The following HUWE1 variants were observed in gnomAD, a reference collection of about 807,000 sequenced individuals.
HUWE1 encodes the protein E3 ubiquitin-protein ligase HUWE1.
Under a neutral mutation model 299.4 loss-of-function variants are expected in HUWE1, and 18 were observed. The observed-to-expected ratio is 0.06, with a 90% CI of 0.04 to 0.09. HUWE1 has a LOEUF of 0.09. HUWE1 is among the 10% of genes least tolerant of loss of function. The pLI is 1.00. For missense variants in HUWE1, 1,832 were observed against 3,462.3 expected, an observed-to-expected ratio of 0.53 and a Z score of 11.82; for synonymous variants, 1,317 against 1,286.1, an observed-to-expected ratio of 1.02 and a Z score of -0.51.
intron 74 of HUWE1, 66 bp from the exon 75 acceptor site, chrX:53,539,878 A>G: frequency 9.8e-7 from 1 of 1,021,334 alleles, no homozygotes; most frequent in East Asian, 3.3e-5. Context: ...ATCTTTCTAG[A>G]CCACACGCAC....
chrX:53,584,407 G>A (rs1371620360), intron 40 of HUWE1, 62 bp from the exon 41 acceptor site: 1 of 943,264 alleles, frequency 1.1e-6, no homozygotes. Flanking sequence ...AGGTGGGGGA[G>A]GGGAGGGACA....
At chrX:53,603,216 A>T (rs2064973216) in intron 27 of HUWE1, 152 bp downstream of exon 27, 1 of 529,427 alleles carries the variant, frequency 1.9e-6, no homozygotes, top group African/African-American at 2.4e-5. Context: ...ATGACGACAA[A>T]GCATTTGTCA....
chrX:53,685,692 A>C (rs2070406028), intron 2 of HUWE1, among the ~76,000 whole-genome samples: 1 of 112,132 alleles, frequency 8.9e-6, no homozygotes, highest in Non-Finnish European at 1.9e-5. Flanking sequence ...CTGTGGAAAA[A>C]TAGGCACTCT....
intron 11 of HUWE1, 124 bp downstream of exon 11, chrX:53,631,290 T>G: frequency 1.8e-6 from 1 of 562,501 alleles, no homozygotes; most frequent in African/African-American, 2.3e-5. Context: ...AAGCTAACAA[T>G]TTGCCCATGG....
chrX:53,590,753 T>G (rs2064114359), intron 34 of HUWE1, among the ~76,000 whole-genome samples: 1 of 112,426 alleles, frequency 8.9e-6, no homozygotes, highest in Admixed American at 9.4e-5. Context: ...CTATTCTACA[T>G]CTTAGAAAAG....
At chrX:53,661,565 T>A (rs1390251806) in intron 3 of HUWE1, among the ~76,000 whole-genome samples, 1 of 111,377 alleles carries the variant, frequency 9.0e-6, no homozygotes, top group East Asian at 2.8e-4. Flanking sequence ...AAAACCCTAT[T>A]ACATTTAAAA....
chrX:53,606,763 T>A (rs994135368), intron 25 of HUWE1, among the ~76,000 whole-genome samples: 2 of 111,678 alleles, frequency 1.8e-5, no homozygotes, highest in Non-Finnish European at 3.8e-5. Context: ...TTATATAAGG[T>A]ACCTAGAGTA....
chrX:53,538,206 CCCT>C (rs782739087), intron 77 of HUWE1, 128 bp downstream of exon 77: 12 of 525,223 alleles, frequency 2.3e-5, no homozygotes, highest in Admixed American at 1.0e-4. Context: ...GCTGTCTCTT[CCCT>C]CCTCACCACC....
intron 3 of HUWE1, among the ~76,000 whole-genome samples, chrX:53,666,105 A>C (rs1200642219): frequency 1.8e-5 from 2 of 112,885 alleles, no homozygotes; most frequent in Non-Finnish European, 3.7e-5. Flanking sequence ...TTCATTTGTC[A>C]GAAGTTATTT....
intron 2 of HUWE1, among the ~76,000 whole-genome samples, chrX:53,683,661 G>A (rs187233240): frequency 1.8e-5 from 2 of 112,139 alleles, no homozygotes; most frequent in African/African-American, 3.2e-5. Flanking sequence ...CAAGAAACGA[G>A]GTGGTCTTCG....
chrX:53,646,749 C>T lies in HUWE1; in HGVS notation c.351+619G>A, dbSNP rs189698552. Among the ~76,000 whole-genome samples the T allele has an allele frequency of 3.1e-3, 345 of 111,778 alleles. 1 individual carries two copies. Among genetic ancestry groups the T allele is most frequent in the Admixed American group, 6.5e-3 (69 of 10,537 alleles). On this transcript the variant is annotated intron_variant, in intron 6 of 83. Coordinates refer to ENST00000262854, the MANE Select transcript of HUWE1 (RefSeq NM_031407.7). Reference sequence around the variant, plus strand: ...TCTGATTCTGTTTCTCTACTGAAGACGTAGGAAAACACACCTAAAATTAAC... The same window carrying T: ...TCTGATTCTGTTTCTCTACTGAAGATGTAGGAAAACACACCTAAAATTAAC...
chrX:53,554,875 G>A lies in HUWE1; in HGVS notation c.8252C>T (p.Thr2751Ile), dbSNP rs1556932892. Residue 2751 changes from threonine to isoleucine, a missense_variant, in exon 61 of 84, where the codon ACT becomes ATT. This residue lies in a region of HUWE1 where 143 missense variants were observed against 148.1 expected (regional missense o/e 0.97). Transcript: ENST00000262854. Reference sequence around the variant, plus strand: ...CTTGGACTCAGATGTAGCTGCATCAGTTGAAGATGGGGTTGTTGGGTAGCT... The same window carrying A: ...CTTGGACTCAGATGTAGCTGCATCAATTGAAGATGGGGTTGTTGGGTAGCT... ...PDSYPTTPSS[T>I]DAATSESKET... 2 of 1,196,316 alleles carry A rather than the reference G, an allele frequency of 1.7e-6. No homozygotes were observed. The highest frequency in any genetic ancestry group is 2.3e-6 in the Non-Finnish European group (2 of 885,975).
chrX:53,544,095 A>T, intron 72 of HUWE1, 127 bp from the exon 73 acceptor site: 2 of 603,805 alleles, frequency 3.3e-6, no homozygotes, highest in Non-Finnish European at 5.3e-6. Flanking sequence ...TTAGCTCAGG[A>T]AGCTTCAGAG....
At chrX:53,611,717 G>C (rs1160808671) in intron 23 of HUWE1, among the ~76,000 whole-genome samples, 1 of 109,913 alleles carries the variant, frequency 9.1e-6, no homozygotes, top group Non-Finnish European at 1.9e-5. Context: ...AATTAGCAAG[G>C]CATGGTGGCA....
chrX:53,536,759 C>G, intron 78 of HUWE1, 92 bp from the exon 79 acceptor site: 2 of 794,110 alleles, frequency 2.5e-6, no homozygotes, highest in African/African-American at 4.1e-5. Context: ...GAAGCAGTGT[C>G]TGGGGAGTGC....
At chrX:53,541,023 C>A (rs1556918107) in intron 74 of HUWE1, among the ~76,000 whole-genome samples, 2 of 111,681 alleles carry the variant, frequency 1.8e-5, no homozygotes, top group Non-Finnish European at 3.8e-5. Flanking sequence ...CTCCCCAAAT[C>A]CTGATGAAAG....
At chrX:53,679,509 G>C (rs2070017375) in intron 3 of HUWE1, among the ~76,000 whole-genome samples, 1 of 111,984 alleles carries the variant, frequency 8.9e-6, no homozygotes, top group Non-Finnish European at 1.9e-5. Flanking sequence ...GATGAAACAG[G>C]CTGGGCCTGG....
At chrX:53,535,096 T>C (rs1191815090) in intron 81 of HUWE1, among the ~76,000 whole-genome samples, 3 of 110,675 alleles carry the variant, frequency 2.7e-5, no homozygotes, top group South Asian at 3.8e-4. Flanking sequence ...GCTGCCACAC[T>C]TGGCTAATTT....
At chrX:53,671,791 CAAAAAAAAAA>C (rs60356592) in intron 3 of HUWE1, among the ~76,000 whole-genome samples, 30 of 28,555 alleles carry the variant, frequency 1.1e-3, no homozygotes, top group Non-Finnish European at 1.7e-3. Flanking sequence ...GACTCCGTCT[CAAAAAAAAAA>C]AAAAAAAAAA....
Sources: allele counts gnomAD v4.1 joint callset (sites outside exome capture counted in the v4.1 genomes callset), GRCh38; gene constraint gnomAD v4.1.1; regional missense constraint gnomAD v4.1.1; transcripts MANE v1.5; gene names NCBI Gene and HGNC (gene_info 2026-07-23, HGNC 2026-07-21).